Variants in FOCAD observed in about 807,000 individuals in gnomAD.
FOCAD encodes KIAA1797.
FOCAD carries 198 observed loss-of-function variants against 225.6 expected under a neutral mutation model. That is an observed-to-expected ratio of 0.88 (90% confidence interval 0.78 to 0.99). FOCAD has a LOEUF of 0.99. Among genes scored for constraint, FOCAD ranks in the 50% least tolerant of loss-of-function variants. The pLI is 0.00. For synonymous variants in FOCAD, 897 were observed against 755.0 expected (o/e 1.19, Z -3.08); for missense variants, 2,713 against 2,123.6 (o/e 1.28, Z -5.46).
intron 39 of FOCAD, 23 bp from the exon 40 acceptor site, chr9:20,986,265 A>ATTTTTTTTTTT: frequency 4.4e-6 from 2 of 457,020 alleles, no homozygotes; most frequent in South Asian, 3.6e-5. Flanking sequence ...GTAACTAAAC[A>ATTTTTTTTTTT]ATTTTTTTTT....
chr9:20,806,279 A>T (rs994418759), intron 11 of FOCAD, among the ~76,000 whole-genome samples: 2 of 152,170 alleles, frequency 1.3e-5, no homozygotes. Context: ...TATTATTTTA[A>T]ATTTGAATGC....
chr9:20,936,269 T>C (rs1243227579), intron 28 of FOCAD, among the ~76,000 whole-genome samples: 1 of 152,272 alleles, frequency 6.6e-6, no homozygotes, highest in Non-Finnish European at 1.5e-5. Context: ...AATCAGTGTT[T>C]ACATTTCTGG....
chr9:20,695,814 G>A (rs1823321913), intron 1 of FOCAD, among the ~76,000 whole-genome samples: 1 of 152,210 alleles, frequency 6.6e-6, no homozygotes, highest in Non-Finnish European at 1.5e-5. Context: ...GGTGTTGACT[G>A]CAGCATTGGT....
At chr9:20,968,647 G>C (rs887886306) in intron 35 of FOCAD, among the ~76,000 whole-genome samples, 14 of 151,918 alleles carry the variant, frequency 9.2e-5, no homozygotes, top group Admixed American at 1.3e-4. Context: ...TGACCATGCT[G>C]TCTAGGCTGT....
chr9:20,716,385 A>G (rs1367625778), intron 2 of FOCAD, among the ~76,000 whole-genome samples: 1 of 152,062 alleles, frequency 6.6e-6, no homozygotes, highest in African/African-American at 2.4e-5. Context: ...GGCTATTTGA[A>G]TTCTGTTATA....
At chr9:20,921,332 A>C (rs1834408754) in intron 24 of FOCAD, among the ~76,000 whole-genome samples, 1 of 152,220 alleles carries the variant, frequency 6.6e-6, no homozygotes, top group South Asian at 2.1e-4. Context: ...ATTTAATTAA[A>C]ACGTCGGTGG....
At chr9:20,938,171 G>A (rs1257993352) in intron 28 of FOCAD, among the ~76,000 whole-genome samples, 1 of 152,192 alleles carries the variant, frequency 6.6e-6, no homozygotes, top group Non-Finnish European at 1.5e-5. Flanking sequence ...AGTCAGTGTG[G>A]CGATTCCTCA....
At chr9:20,677,962 G>T (rs933659898) in intron 2 of FOCAD, among the ~76,000 whole-genome samples, 1 of 152,172 alleles carries the variant, frequency 6.6e-6, no homozygotes, top group African/African-American at 2.4e-5. Flanking sequence ...TAAAGAAAAT[G>T]TATGTATGTG....
intron 4 of FOCAD, among the ~76,000 whole-genome samples, chr9:20,730,994 G>A (rs1324811601): frequency 1.3e-5 from 2 of 152,186 alleles, no homozygotes. Flanking sequence ...CCAGCACTTT[G>A]GGAGGCTGAG....
intron 6 of FOCAD, among the ~76,000 whole-genome samples, chr9:20,764,567 G>C (rs1015870978): frequency 6.6e-6 from 1 of 152,092 alleles, no homozygotes; most frequent in African/African-American, 2.4e-5. Context: ...GATGATTCTT[G>C]TGTTCACTAA....
chr9:20,813,504 C>A (rs148290668), intron 11 of FOCAD, among the ~76,000 whole-genome samples: 2 of 152,244 alleles, frequency 1.3e-5, no homozygotes, highest in East Asian at 3.9e-4. Flanking sequence ...TTCTTCACAT[C>A]CTTGTCAATA....
At chr9:20,664,783 G>GTGAT (rs1296623644) in intron 2 of FOCAD, among the ~76,000 whole-genome samples, 10 of 151,760 alleles carry the variant, frequency 6.6e-5, no homozygotes, top group Middle Eastern at 3.2e-3. Flanking sequence ...CCGGCCCAGG[G>GTGAT]TGATATCTTA....
intron 15 of FOCAD, among the ~76,000 whole-genome samples, chr9:20,850,060 T>C (rs1270073605): frequency 6.6e-6 from 1 of 151,894 alleles, no homozygotes; most frequent in Non-Finnish European, 1.5e-5. Context: ...GTAATATTTA[T>C]GTTTTGATTA....
chr9:20,993,046 A>G (rs1841801396), intron 42 of FOCAD, among the ~76,000 whole-genome samples: 1 of 151,818 alleles, frequency 6.6e-6, no homozygotes, highest in African/African-American at 2.4e-5. Flanking sequence ...ACTAAATGGG[A>G]GCTGTATCCA....
In FOCAD at chr9:20,942,294, C is replaced by T. The variant is rs143905574; in HGVS notation, c.3408-2333C>T. ...TTTTTCAAAGCCTTAATACATCTAT[C>T]TCCTGAGATGATGAAAGAGGGGCTT... On this transcript the variant is annotated intron_variant, in intron 28 of 43. Transcript: ENST00000338382. Among the ~76,000 whole-genome samples, 412 of 152,306 alleles carry T rather than the reference C, an allele frequency of 2.7e-3. 4 individuals are homozygous for T. The highest frequency in any genetic ancestry group is 9.0e-3 in the African/African-American group (375 of 41,558).
At chr9:20,721,928 T>C (rs1586940135) in intron 4 of FOCAD, among the ~76,000 whole-genome samples, 1 of 43,400 alleles carries the variant, frequency 2.3e-5, no homozygotes, top group African/African-American at 1.1e-4. Flanking sequence ...CCCCTTCCTC[T>C]CCCCTCCCCT....
chr9:20,787,355 A>C (rs926221668), intron 10 of FOCAD, among the ~76,000 whole-genome samples: 1 of 152,192 alleles, frequency 6.6e-6, no homozygotes, highest in South Asian at 2.1e-4. Flanking sequence ...ATTATAACCT[A>C]AGCAGGAAAG....
chr9:20,835,094 A>G (rs1462918260), intron 15 of FOCAD, among the ~76,000 whole-genome samples: 1 of 118,208 alleles, frequency 8.5e-6, no homozygotes, highest in Non-Finnish European at 1.8e-5. Flanking sequence ...ATACCTTTAT[A>G]CCTGTATTTA....
chr9:20,924,819 G>C (rs1194990789), intron 25 of FOCAD, among the ~76,000 whole-genome samples: 1 of 152,182 alleles, frequency 6.6e-6, no homozygotes, highest in Non-Finnish European at 1.5e-5. Context: ...CCAGGCAACA[G>C]GTACTAATGA....
Sources: gnomAD v4.1 joint callset for allele counts (sites outside exome capture counted in the v4.1 genomes callset) on GRCh38, gnomAD v4.1.1 for gene constraint, MANE v1.5 for transcripts, NCBI Gene and HGNC (gene_info 2026-07-23, HGNC 2026-07-21) for gene names.